Variants in MAGI2 observed in about 807,000 individuals in gnomAD.
MAGI2 encodes the protein membrane associated guanylate kinase, WW and PDZ domain containing 2.
MAGI2 carries 35 observed loss-of-function variants against 133.3 expected under a neutral mutation model. The observed-to-expected ratio is 0.26, with a 90% CI of 0.20 to 0.35. The LOEUF (loss-of-function observed/expected upper bound fraction) is 0.35. MAGI2 is among the 10% of genes least tolerant of loss of function. The probability of loss-of-function intolerance (pLI) is 1.00; values close to 1 mark genes in which losing one functional copy is unlikely to be tolerated. For missense variants in MAGI2, 1,636 were observed against 1,863.4 expected, an observed-to-expected ratio of 0.88 and a Z score of 2.25; for synonymous variants, 729 against 710.6, an observed-to-expected ratio of 1.03 and a Z score of -0.41.
At chr7:78,264,427 C>T (rs775760635) in intron 9 of MAGI2, among the ~76,000 whole-genome samples, 1 of 152,034 alleles carries the variant, frequency 6.6e-6, no homozygotes, top group Non-Finnish European at 1.5e-5. Flanking sequence ...ATCTTTAATT[C>T]CTGAAGGTGA....
At chr7:78,355,558 A>T (rs1791988106) in intron 7 of MAGI2, among the ~76,000 whole-genome samples, 2 of 152,194 alleles carry the variant, frequency 1.3e-5, no homozygotes, top group South Asian at 4.1e-4. Flanking sequence ...AGAGGGTAAA[A>T]CATTTTCTGC....
intron 3 of MAGI2, among the ~76,000 whole-genome samples, chr7:78,565,571 A>C (rs1177490918): frequency 6.6e-6 from 1 of 151,788 alleles, no homozygotes; most frequent in Non-Finnish European, 1.5e-5. Context: ...GGTTATTTTC[A>C]AATACTTTTA....
chr7:79,235,903 C>G (rs893736126), intron 1 of MAGI2, among the ~76,000 whole-genome samples: 1 of 152,188 alleles, frequency 6.6e-6, no homozygotes, highest in African/African-American at 2.4e-5. Context: ...TTGGCAGTAC[C>G]AGACACACAG....
intron 9 of MAGI2, among the ~76,000 whole-genome samples, chr7:78,327,501 C>T (rs1350259915): frequency 6.6e-6 from 1 of 152,144 alleles, no homozygotes; most frequent in Admixed American, 6.5e-5. Flanking sequence ...TGTGTTACCT[C>T]TCAAACACAA....
At chr7:79,442,309 G>A (rs969736259) in intron 1 of MAGI2, among the ~76,000 whole-genome samples, 1 of 152,170 alleles carries the variant, frequency 6.6e-6, no homozygotes, top group Admixed American at 6.5e-5. Context: ...GGGTGACTAT[G>A]CAAGCTTTCC....
At chr7:78,322,828 G>C (rs980215433) in intron 9 of MAGI2, among the ~76,000 whole-genome samples, 2 of 152,008 alleles carry the variant, frequency 1.3e-5, no homozygotes, top group African/African-American at 2.4e-5. Flanking sequence ...ATGAATATTA[G>C]TAACTCAGAG....
intron 2 of MAGI2, among the ~76,000 whole-genome samples, chr7:78,930,393 C>T (rs1800022772): frequency 6.6e-6 from 1 of 152,074 alleles, no homozygotes; most frequent in African/African-American, 2.4e-5. Flanking sequence ...GATCACAGCT[C>T]ATTAGCATCT....
intron 9 of MAGI2, among the ~76,000 whole-genome samples, chr7:78,266,610 C>G (rs1041511602): frequency 6.6e-6 from 1 of 151,574 alleles, no homozygotes; most frequent in African/African-American, 2.4e-5. Context: ...CAGAGTCTTG[C>G]TCTGTCACCC....
intron 2 of MAGI2, among the ~76,000 whole-genome samples, chr7:78,883,466 T>C (rs1796033553): frequency 6.6e-6 from 1 of 152,196 alleles, no homozygotes; most frequent in South Asian, 2.1e-4. Flanking sequence ...ACAGATTCAA[T>C]GCTATTCCTT....
intron 2 of MAGI2, among the ~76,000 whole-genome samples, chr7:78,803,281 A>C (rs901721889): frequency 2.0e-5 from 3 of 152,204 alleles, no homozygotes; most frequent in African/African-American, 7.2e-5. Context: ...AAGAGTATTA[A>C]ATGCAATATA....
intron 6 of MAGI2, among the ~76,000 whole-genome samples, chr7:78,458,330 A>G (rs62467066): frequency 0.065 from 9,829 of 150,170 alleles, 458 homozygotes; most frequent in Non-Finnish European, 0.092. Context: ...GTAAAATTGA[A>G]TCAAGTATCT....
chr7:79,151,877 C>T (rs1823280709), intron 1 of MAGI2, among the ~76,000 whole-genome samples: 1 of 133,910 alleles, frequency 7.5e-6, no homozygotes, highest in Admixed American at 7.8e-5. Context: ...GATGCCTTAC[C>T]AGTACTTCAG....
chr7:78,657,290 T>A (rs934687289), intron 2 of MAGI2, among the ~76,000 whole-genome samples: 1 of 152,186 alleles, frequency 6.6e-6, no homozygotes, highest in Admixed American at 6.5e-5. Flanking sequence ...CTAAACGTAC[T>A]CTTAGCATGT....
chr7:79,105,833 G>GT lies in MAGI2; in HGVS notation c.302-98628dup, dbSNP rs139070841. Among the ~76,000 whole-genome samples the GT allele has an allele frequency of 3.2e-3, 472 of 147,014 alleles. 4 individuals are homozygous for GT. The highest frequency in any genetic ancestry group is 6.9e-3 in the African/African-American group (278 of 40,166). The stretch of plus-strand genomic sequence containing the variant: ...TTCAAAATACTGCAATGTTCACCTG[G>GT]TTTTTTTTTTCAACATTAAAAACTT... On this transcript the variant is annotated intron_variant, in intron 1 of 21. Coordinates refer to ENST00000354212, the MANE Select transcript of MAGI2 (RefSeq NM_012301.4).
chr7:78,324,626 A>C (rs1432306986), intron 9 of MAGI2, among the ~76,000 whole-genome samples: 1 of 152,218 alleles, frequency 6.6e-6, no homozygotes, highest in East Asian at 1.9e-4. Context: ...TAGATAACCC[A>C]TTCCATTGTA....
intron 1 of MAGI2, among the ~76,000 whole-genome samples, chr7:79,186,176 C>G (rs116718307): frequency 7.3e-6 from 1 of 136,550 alleles, no homozygotes; most frequent in Admixed American, 7.9e-5. Context: ...GAGGCCAGCC[C>G]TATTTGCCTG....
chr7:78,921,438 A>G (rs1799214468), intron 2 of MAGI2, among the ~76,000 whole-genome samples: 1 of 152,138 alleles, frequency 6.6e-6, no homozygotes, highest in African/African-American at 2.4e-5. Flanking sequence ...GTGGAACCAC[A>G]GAGTCTGCAC....
Position 78,513,584 on chromosome 7 carries a change from C to T in MAGI2, c.754+7846G>A, listed in dbSNP as rs115676343. 1.5e-3 allele frequency among the ~76,000 whole-genome samples: 226 copies of T among 152,208 alleles called. 1 individual carries two copies. The highest frequency in any genetic ancestry group is 5.1e-3 in the African/African-American group (211 of 41,528). ...AAAAAAAGCTTAGATTCTAAGAAAG[C>T]CTGGAGAACCTGAAGAAACTTAAAC... On this transcript the variant is annotated intron_variant, in intron 4 of 21. Coordinates refer to ENST00000354212, the MANE Select transcript of MAGI2 (RefSeq NM_012301.4).
chr7:78,431,152 C>T (rs1799757182), intron 6 of MAGI2, among the ~76,000 whole-genome samples: 1 of 151,504 alleles, frequency 6.6e-6, no homozygotes, highest in Non-Finnish European at 1.5e-5. Context: ...ACCTTTATTA[C>T]ATTCCCTGCT....
Sources: allele counts gnomAD v4.1 joint callset (sites outside exome capture counted in the v4.1 genomes callset), GRCh38; gene constraint gnomAD v4.1.1; transcripts MANE v1.5; gene names NCBI Gene and HGNC (gene_info 2026-07-23, HGNC 2026-07-21).